CACNA1C: variants seen among roughly 807,000 people sequenced by gnomAD.
The protein encoded by CACNA1C is calcium voltage-gated channel subunit alpha1 C.
A neutral mutation model predicts 229.0 loss-of-function variants in CACNA1C; 30 were observed. That is an observed-to-expected ratio of 0.13 (90% CI 0.10 to 0.18). The LOEUF is 0.18. Ranked by LOEUF, CACNA1C falls within the 10% of genes least tolerant of loss-of-function variation. CACNA1C has a pLI of 1.00. For synonymous variants in CACNA1C, 1,114 were observed against 1,132.5 expected (o/e 0.98, Z 0.33); for missense variants, 1,658 against 2,845.0 (o/e 0.58, Z 9.49).
chr12:2,604,443 T>C (rs866316960), intron 22 of CACNA1C, among the ~76,000 whole-genome samples: 1 of 152,124 alleles, frequency 6.6e-6, no homozygotes, highest in Non-Finnish European at 1.5e-5. Context: ...AATATGTGTT[T>C]GGAGATAAAC....
intron 3 of CACNA1C, among the ~76,000 whole-genome samples, chr12:2,447,505 G>A (rs907357777): frequency 7.9e-5 from 12 of 152,180 alleles, no homozygotes; most frequent in Admixed American, 2.6e-4. Context: ...ATAGCCAGAT[G>A]ATCTGTTTCA....
chr12:2,095,782 G>A (rs529784784), intron 1 of CACNA1C, among the ~76,000 whole-genome samples: 11 of 152,176 alleles, frequency 7.2e-5, no homozygotes, highest in East Asian at 3.8e-4. Flanking sequence ...AGGACGGAGC[G>A]TGGATTTATG....
chr12:2,010,751 A>T (rs781074139), intron 1 of CACNA1C: 5 of 152,174 alleles, frequency 3.3e-5, no homozygotes, highest in Non-Finnish European at 7.3e-5. Flanking sequence ...ACATGAAGAG[A>T]TCATTGGCTT....
In CACNA1C at chr12:2,165,883, T is replaced by C. The variant is rs540977586; in HGVS notation, c.477+45453T>C. ...AATTGTGTTTAACTGAGTTTTAACA[T>C]TGACTCTCAGAGTCAGAAAGAATTC... On this transcript the variant is annotated intron_variant, in intron 3 of 46. Coordinates refer to ENST00000399655, the MANE Select transcript of CACNA1C (RefSeq NM_000719.7). Among the ~76,000 whole-genome samples the C allele has an allele frequency of 2.6e-5, 4 of 152,300 alleles. 1 individual carries two copies. In the South Asian group the frequency reaches 8.3e-4, roughly 32 times the overall value.
chr12:2,223,542 C>T (rs978145238), intron 3 of CACNA1C: 6 of 152,128 alleles, frequency 3.9e-5, no homozygotes, highest in African/African-American at 7.2e-5. Context: ...TAACATTCAT[C>T]GTCCTTCCTG....
chr12:2,091,297 G>C (rs575274387), intron 1 of CACNA1C, among the ~76,000 whole-genome samples: 1 of 152,232 alleles, frequency 6.6e-6, no homozygotes, highest in African/African-American at 2.4e-5. Flanking sequence ...GATTTACATG[G>C]ATGAGAGGCT....
chr12:2,084,907 G>A (rs922222048), intron 1 of CACNA1C, among the ~76,000 whole-genome samples: 19 of 152,036 alleles, frequency 1.2e-4, no homozygotes, highest in Admixed American at 3.3e-4. Flanking sequence ...ATTTCATCTC[G>A]TTAGTGTGGA....
At chr12:2,282,830 C>T (rs2091736316) in intron 3 of CACNA1C, among the ~76,000 whole-genome samples, 1 of 152,224 alleles carries the variant, frequency 6.6e-6, no homozygotes, top group Non-Finnish European at 1.5e-5. Flanking sequence ...ATTGGTTCAG[C>T]AGCTCAAGAT....
intron 3 of CACNA1C, among the ~76,000 whole-genome samples, chr12:2,207,507 T>C (rs985463293): frequency 3.3e-5 from 5 of 152,174 alleles, no homozygotes; most frequent in Non-Finnish European, 5.9e-5. Context: ...ATAATTTTTC[T>C]TATTTAAAAG....
chr12:2,074,632 G>A (rs774371225), intron 1 of CACNA1C, among the ~76,000 whole-genome samples: 4 of 152,140 alleles, frequency 2.6e-5, no homozygotes, highest in South Asian at 2.1e-4. Context: ...TGCCAGTGCC[G>A]TGACTCAAAA....
At position 2,444,892 on chromosome 12, in the gene CACNA1C, C is replaced by T. The variant is rs117494506; in HGVS notation, c.478-4084C>T. 1.5e-3 allele frequency among the ~76,000 whole-genome samples: 224 copies of T among 152,280 alleles called. 1 individual carries two copies. The highest frequency in any genetic ancestry group is 3.4e-3 in the Middle Eastern group (1 of 294). On this transcript the variant is annotated intron_variant, in intron 3 of 46. Transcript: ENST00000399655. ...TCTCTGCATGGGTCACTCCCCTGCCCTTAACCCTATCACTCATTCTCCAGC... is the reference window on the plus strand; with the variant it reads ...TCTCTGCATGGGTCACTCCCCTGCCTTTAACCCTATCACTCATTCTCCAGC...
chr12:2,103,434 T>C (rs2077125746), intron 1 of CACNA1C, among the ~76,000 whole-genome samples: 1 of 152,236 alleles, frequency 6.6e-6, no homozygotes, highest in African/African-American at 2.4e-5. Context: ...GATTTTTTTT[T>C]CTTGTAAATC....
At chr12:2,456,076 A>G (rs1372402828) in intron 4 of CACNA1C, among the ~76,000 whole-genome samples, 1 of 152,158 alleles carries the variant, frequency 6.6e-6, no homozygotes. Flanking sequence ...CAACAACTCA[A>G]ACTTCAAGAA....
intron 3 of CACNA1C, among the ~76,000 whole-genome samples, chr12:2,148,383 A>T (rs1043763860): frequency 3.3e-5 from 5 of 151,354 alleles, no homozygotes; most frequent in African/African-American, 1.2e-4. Flanking sequence ...GCAGATGGAA[A>T]TCCCTGCTGC....
In CACNA1C at chr12:2,539,158, G is replaced by A. The variant is rs190406275; in HGVS notation, c.1391-10785G>A. On this transcript the variant is annotated intron_variant, in intron 9 of 46. Coordinates refer to ENST00000399655, the MANE Select transcript of CACNA1C (RefSeq NM_000719.7). ...CTTGCCTGTGCCGTAGGGGTATGTCGGTCAGTGTCCCCATGGAAACAGTAG... is the reference window on the plus strand; with the variant it reads ...CTTGCCTGTGCCGTAGGGGTATGTCAGTCAGTGTCCCCATGGAAACAGTAG... Among the ~76,000 whole-genome samples the A allele has an allele frequency of 6.4e-4, 98 of 152,084 alleles. 2 individuals carry two copies. The highest frequency in any genetic ancestry group is 2.1e-3 in the African/African-American group (88 of 41,328).
In CACNA1C at chr12:2,140,778, C is replaced by T. The variant is rs1201543295; in HGVS notation, c.477+20348C>T. 3.7e-4 allele frequency among the ~76,000 whole-genome samples: 56 copies of T among 151,290 alleles called. 3 individuals carry two copies. Among genetic ancestry groups the T allele is most frequent in the African/African-American group, 4.8e-5 (2 of 41,358 alleles). ...CTAGGTGCTGGAAAAGCAAGATGTG[C>T]GGAAACAAGGGTGCGCAGGGTCTCT... On this transcript the variant is annotated intron_variant, in intron 3 of 46. Transcript: ENST00000399655.
At chr12:2,413,321 C>A (rs1422880036) in intron 3 of CACNA1C, among the ~76,000 whole-genome samples, 1 of 152,200 alleles carries the variant, frequency 6.6e-6, no homozygotes, top group South Asian at 2.1e-4. Context: ...CCAGCCTACC[C>A]AATGCTTTTT....
intron 3 of CACNA1C, among the ~76,000 whole-genome samples, chr12:2,426,755 A>G (rs2099036163): frequency 6.6e-6 from 1 of 152,182 alleles, no homozygotes; most frequent in South Asian, 2.1e-4. Flanking sequence ...TGCTAGAGAT[A>G]GGCAGTTCAT....
intron 3 of CACNA1C, among the ~76,000 whole-genome samples, chr12:2,193,556 G>A (rs1390855739): frequency 6.6e-6 from 1 of 152,254 alleles, no homozygotes; most frequent in African/African-American, 2.4e-5. Context: ...TTTAGAGGTA[G>A]GAAGAGAACT....
Sources: allele counts gnomAD v4.1 joint callset (sites outside exome capture counted in the v4.1 genomes callset), GRCh38; gene constraint gnomAD v4.1.1; transcripts MANE v1.5; gene names NCBI Gene and HGNC (gene_info 2026-07-23, HGNC 2026-07-21).